Variants in GSE1 observed in about 807,000 individuals in gnomAD.
The protein encoded by GSE1 is genetic suppressor element 1.
In GSE1, 32 loss-of-function variants were observed where a neutral mutation model predicts 112.6. That is an observed-to-expected ratio of 0.28 (90% CI 0.21 to 0.38). GSE1 has a LOEUF of 0.38. Among genes scored for constraint, GSE1 ranks in the 10% least tolerant of loss-of-function variants. The probability of loss-of-function intolerance (pLI) is 1.00; values close to 1 mark genes in which losing one functional copy is unlikely to be tolerated. For missense variants in GSE1, 2,348 were observed against 1,699.2 expected (o/e 1.38, Z -6.71); for synonymous variants, 1,115 against 735.6 (o/e 1.52, Z -8.35).
intron 1 of GSE1, among the ~76,000 whole-genome samples, chr16:85,567,030 T>C (rs1231271434): frequency 6.7e-6 from 1 of 149,874 alleles, no homozygotes; most frequent in East Asian, 2.0e-4. Context: ...AAGGTGTTAC[T>C]CCCGCCCCCA....
chr16:85,642,555 C>T (rs1042777087), intron 2 of GSE1, among the ~76,000 whole-genome samples: 7 of 152,210 alleles, frequency 4.6e-5, no homozygotes, highest in Non-Finnish European at 7.3e-5. Context: ...GTGTCTCCAT[C>T]GGCAGCATGG....
intron 2 of GSE1, among the ~76,000 whole-genome samples, chr16:85,371,130 C>G (rs540884632): frequency 1.3e-5 from 2 of 152,358 alleles, no homozygotes; most frequent in South Asian, 2.1e-4. Flanking sequence ...CTCCGCCCCC[C>G]TCGTTCCTTC....
chr16:85,631,341 C>T (rs1382708014), intron 1 of GSE1, among the ~76,000 whole-genome samples: 5 of 152,270 alleles, frequency 3.3e-5, no homozygotes, highest in African/African-American at 1.2e-4. Flanking sequence ...TGGTCTCCCC[C>T]ATCCTCCAGT....
chr16:85,649,746 C>T (rs544723520), intron 3 of GSE1, among the ~76,000 whole-genome samples: 12 of 152,326 alleles, frequency 7.9e-5, no homozygotes, highest in African/African-American at 2.6e-4. Flanking sequence ...GACAGCCCCA[C>T]TTGGAAATAC....
intron 1 of GSE1, among the ~76,000 whole-genome samples, chr16:85,225,222 A>C (rs1016420419): frequency 6.6e-5 from 10 of 152,214 alleles, no homozygotes; most frequent in African/African-American, 2.4e-4. Context: ...CACAAAGCTG[A>C]AGACACAGTT....
intron 2 of GSE1, among the ~76,000 whole-genome samples, chr16:85,534,708 C>G (rs2151192029): frequency 6.6e-6 from 1 of 152,330 alleles, no homozygotes; most frequent in East Asian, 1.9e-4. Flanking sequence ...TGTTGGGGCC[C>G]TCCCGTCGCT....
chr16:85,535,301 G>A (rs1048485407), intron 2 of GSE1, among the ~76,000 whole-genome samples: 13 of 152,344 alleles, frequency 8.5e-5, no homozygotes, highest in African/African-American at 2.9e-4. Flanking sequence ...CGGAGCCCTC[G>A]GGGAACGAGG....
intron 2 of GSE1, among the ~76,000 whole-genome samples, chr16:85,473,705 A>C (rs1348899871): frequency 6.6e-6 from 1 of 152,200 alleles, no homozygotes; most frequent in African/African-American, 2.4e-5. Flanking sequence ...CCACATCTGC[A>C]AAGAGCCTTT....
In GSE1 at chr16:85,293,504, C is replaced by T. The variant is rs115873140; in HGVS notation, c.2284-63959C>T. Among the ~76,000 whole-genome samples the T allele has an allele frequency of 8.7e-3, 1,329 of 152,178 alleles. 17 individuals are homozygous for T. The highest frequency in any genetic ancestry group is 0.03 in the African/African-American group (1,264 of 41,510). ...GAGGTTACAGTGAGCTGAGATTGAG[C>T]CCCTGCATTCCAGCCCAGGGGATAG... On this transcript the variant is annotated intron_variant, in intron 1 of 2. Transcript: ENST00000637419.
intron 1 of GSE1, among the ~76,000 whole-genome samples, chr16:85,315,440 G>T (rs574873925): frequency 6.6e-6 from 1 of 152,198 alleles, no homozygotes; most frequent in Non-Finnish European, 1.5e-5. Flanking sequence ...TCAGGACTGG[G>T]GATTGGCCCT....
Position 85,589,796 on chromosome 16 carries a change from T to G in GSE1, c.37+33433T>G, listed in dbSNP as rs538166049. Among the ~76,000 whole-genome samples, 62 of 152,146 alleles carry G rather than the reference T, an allele frequency of 4.1e-4. No individual in the cohort carries two copies. In the South Asian group the frequency reaches 0.013, roughly 31 times the overall value. On this transcript the variant is annotated intron_variant, in intron 1 of 2. Transcript: ENST00000635906. Reference sequence around the variant, plus strand: ...TTGTGAATGTATGTGTGAATATGTGTGAGACGTGTGTGAATGTGAGTGTGA... The same window carrying G: ...TTGTGAATGTATGTGTGAATATGTGGGAGACGTGTGTGAATGTGAGTGTGA...
At chr16:85,261,334 G>C (rs546688416) in intron 1 of GSE1, among the ~76,000 whole-genome samples, 3 of 152,298 alleles carry the variant, frequency 2.0e-5, no homozygotes, top group African/African-American at 7.2e-5. Flanking sequence ...ACTCTGCCTC[G>C]GTGCCTCAGT....
At chr16:85,610,566 C>A (rs549528849), upstream of GSE1, among the ~76,000 whole-genome samples, 1 of 152,356 alleles carries the variant, frequency 6.6e-6, no homozygotes, top group African/African-American at 2.4e-5. Flanking sequence ...CTCCGGATTA[C>A]TAATTTCCGG....
At chr16:85,193,694 A>C (rs181335755) in intron 1 of GSE1, among the ~76,000 whole-genome samples, 1 of 152,150 alleles carries the variant, frequency 6.6e-6, no homozygotes, top group South Asian at 2.1e-4. Flanking sequence ...TTGTGGCCTC[A>C]GTGATCCACC....
intron 1 of GSE1, among the ~76,000 whole-genome samples, chr16:85,246,726 G>A (rs988852700): frequency 6.6e-6 from 1 of 152,050 alleles, no homozygotes; most frequent in African/African-American, 2.4e-5. Context: ...AGAGGGCCTG[G>A]GGGGCAGCCA....
intron 2 of GSE1, among the ~76,000 whole-genome samples, chr16:85,518,569 C>T (rs2052032083): frequency 1.3e-5 from 2 of 152,110 alleles, no homozygotes; most frequent in Non-Finnish European, 2.9e-5. Context: ...TGCCTTCAGC[C>T]AGCAGTTGCT....
intron 2 of GSE1, among the ~76,000 whole-genome samples, chr16:85,647,312 G>A (rs972442065): frequency 6.6e-6 from 1 of 152,182 alleles, no homozygotes; most frequent in Non-Finnish European, 1.5e-5. Context: ...TCCCTGCTGC[G>A]TTTTGGGGGC....
intron 2 of GSE1, among the ~76,000 whole-genome samples, chr16:85,638,469 C>G (rs2050183533): frequency 2.0e-5 from 3 of 152,344 alleles, no homozygotes; most frequent in South Asian, 4.1e-4. Context: ...GATGCATGCC[C>G]CAGCACTTTC....
chr16:85,250,459 G>C (rs8060007), intron 1 of GSE1, among the ~76,000 whole-genome samples: 2 of 152,010 alleles, frequency 1.3e-5, no homozygotes, highest in East Asian at 3.9e-4. Flanking sequence ...GGGCGGAGGC[G>C]CCAGGGCCAG....
Sources: gnomAD v4.1 joint callset for allele counts (sites outside exome capture counted in the v4.1 genomes callset) on GRCh38, gnomAD v4.1.1 for gene constraint, MANE v1.5 for transcripts, NCBI Gene and HGNC (gene_info 2026-07-23, HGNC 2026-07-21) for gene names.